Variants in KCNJ6 observed in about 807,000 individuals in gnomAD.
KCNJ6 encodes the protein potassium inwardly rectifying channel subfamily J member 6.
In KCNJ6, 9 loss-of-function variants were observed where a neutral mutation model predicts 34.2. The ratio of observed to expected loss-of-function variants is 0.26; its 90% CI spans 0.16 to 0.46. KCNJ6 has a LOEUF of 0.46. KCNJ6 is among the 20% of genes least tolerant of loss of function. KCNJ6 has a pLI of 1.00. For missense variants in KCNJ6, 236 were observed against 531.3 expected, an observed-to-expected ratio of 0.44 and a Z score of 5.46; for synonymous variants, 196 against 207.1, an observed-to-expected ratio of 0.95 and a Z score of 0.46.
chr21:37,725,842 A>G (rs752081933), intron 2 of KCNJ6, among the ~76,000 whole-genome samples: 1 of 152,258 alleles, frequency 6.6e-6, no homozygotes, highest in Non-Finnish European at 1.5e-5. Context: ...ATTATTTTTC[A>G]ACATTTTGGG....
At chr21:37,687,699 G>C (rs78169191) in intron 3 of KCNJ6, among the ~76,000 whole-genome samples, 3,105 of 152,208 alleles carry the variant, frequency 0.02, 104 homozygotes, top group African/African-American at 0.071. Context: ...TCTGGTCTGG[G>C]AGACCAGTCA....
intron 2 of KCNJ6, among the ~76,000 whole-genome samples, chr21:37,752,993 A>C (rs1251019391): frequency 6.6e-6 from 1 of 152,188 alleles, no homozygotes; most frequent in Non-Finnish European, 1.5e-5. Context: ...GAGAAAAGAC[A>C]AGGGCTGCCA....
Position 37,840,665 on chromosome 21 carries a change from T to A in KCNJ6, c.18A>T (p.Glu6Asp). 1 of 1,604,108 alleles carries A rather than the reference T, an allele frequency of 6.2e-7. No homozygotes were observed. The change falls in exon 2 of 4, where the codon GAA becomes GAT. Residue 6 changes from glutamate to aspartate, a missense_variant. Physicochemically the swap from Glu to Asp is conservative, Grantham distance 45. Coordinates refer to ENST00000609713, the MANE Select transcript of KCNJ6 (RefSeq NM_002240.5). ...AAATTTGAAGCTACTCACTCATGGA[T>A]TCTGTCAGCTTGGCCATTGTTGCAG... Reference protein sequence around the residue: MAKLTESMTNVLEGDS... With the variant: MAKLTDSMTNVLEGDS...
chr21:37,827,030 A>C (rs903497246), intron 2 of KCNJ6, among the ~76,000 whole-genome samples: 1 of 152,182 alleles, frequency 6.6e-6, no homozygotes, highest in African/African-American at 2.4e-5. Context: ...AGATTATTGA[A>C]GAGTCAGGGC....
At chr21:37,871,177 A>T (rs948757435) in intron 1 of KCNJ6, among the ~76,000 whole-genome samples, 2 of 152,140 alleles carry the variant, frequency 1.3e-5, no homozygotes, top group African/African-American at 4.8e-5. Flanking sequence ...ATGGCAAATG[A>T]CAGGATAGTT....
In KCNJ6 at chr21:37,655,238, A is replaced by G. The variant is rs1431023873; in HGVS notation, c.947-29754T>C. ...GTGTGTGTGTGTGAGAGAGAGAGAG[A>G]GAGAGAGAGAGAGAGAGAGAGAGAG... On this transcript the variant is annotated intron_variant, in intron 3 of 3. Transcript: ENST00000609713. 3.7e-3 allele frequency among the ~76,000 whole-genome samples: 23 copies of G among 6,286 alleles called. 1 individual carries two copies. The highest frequency in any genetic ancestry group is 0.021 in the African/African-American group (22 of 1,024). 4.1% of individuals were successfully genotyped at this position (6,286 alleles called of 152,430 possible).
chr21:37,666,912 C>T (rs1313449113), intron 3 of KCNJ6, among the ~76,000 whole-genome samples: 2 of 151,048 alleles, frequency 1.3e-5, no homozygotes, highest in Non-Finnish European at 2.9e-5. Context: ...GGATTAAGGG[C>T]GGTGCAAGAT....
intron 1 of KCNJ6, among the ~76,000 whole-genome samples, chr21:37,853,145 T>TAAAAAAAAA (rs796751868): frequency 1.8e-5 from 2 of 111,122 alleles, no homozygotes; most frequent in Non-Finnish European, 1.9e-5. Flanking sequence ...TTTTTCAAAT[T>TAAAAAAAAA]AAAAAAAAAA....
intron 2 of KCNJ6, among the ~76,000 whole-genome samples, chr21:37,799,061 C>T (rs2055256961): frequency 6.6e-6 from 1 of 152,106 alleles, no homozygotes; most frequent in African/African-American, 2.4e-5. Flanking sequence ...TCCTGATCCT[C>T]TCCCTCCTCC....
intron 2 of KCNJ6, among the ~76,000 whole-genome samples, chr21:37,773,489 T>C (rs2055127639): frequency 6.6e-6 from 1 of 152,060 alleles, no homozygotes; most frequent in South Asian, 2.1e-4. Context: ...TAACTACGGA[T>C]CTCCCTTCAT....
chr21:37,746,250 T>C (rs1463888480), intron 2 of KCNJ6, among the ~76,000 whole-genome samples: 1 of 152,100 alleles, frequency 6.6e-6, no homozygotes, highest in Non-Finnish European at 1.5e-5. Flanking sequence ...CTAACTGTCT[T>C]GGGTGAGGTG....
chr21:37,649,157 A>AAAAAAAAAAAAAAAAC (rs755535850), intron 3 of KCNJ6, among the ~76,000 whole-genome samples: 3 of 134,018 alleles, frequency 2.2e-5, no homozygotes, highest in East Asian at 2.5e-4. Context: ...AAAAAAAAGA[A>AAAAAAAAAAAAAAAAC]AGAAAAAGAA....
intron 2 of KCNJ6, among the ~76,000 whole-genome samples, chr21:37,750,853 A>G (rs1308177384): frequency 6.6e-6 from 1 of 152,236 alleles, no homozygotes; most frequent in African/African-American, 2.4e-5. Context: ...TGTTCTGCGC[A>G]GGTATCCCAC....
At chr21:37,819,447 T>C (rs919700204) in intron 2 of KCNJ6, among the ~76,000 whole-genome samples, 1 of 152,124 alleles carries the variant, frequency 6.6e-6, no homozygotes, top group Non-Finnish European at 1.5e-5. Flanking sequence ...AATTTGAGAA[T>C]GCTTGGAGAT....
intron 2 of KCNJ6, among the ~76,000 whole-genome samples, chr21:37,813,166 T>G (rs1056922178): frequency 2.6e-5 from 4 of 152,144 alleles, no homozygotes; most frequent in Non-Finnish European, 5.9e-5. Context: ...CCAATTACAA[T>G]AGCCACATAT....
chr21:37,663,571 T>C (rs7278101), intron 3 of KCNJ6, among the ~76,000 whole-genome samples: 60,587 of 151,960 alleles, frequency 0.4, 12,297 homozygotes, highest in South Asian at 0.54. Flanking sequence ...CAAACAAATA[T>C]TAATCAAAAA....
At chr21:37,662,642 G>C (rs1220648633) in intron 3 of KCNJ6, among the ~76,000 whole-genome samples, 1 of 152,138 alleles carries the variant, frequency 6.6e-6, no homozygotes, top group Non-Finnish European at 1.5e-5. Flanking sequence ...CGATTGCTGG[G>C]TCATATGATA....
Position 37,785,921 on chromosome 21 carries a change from T to C in KCNJ6, c.25+54737A>G, listed in dbSNP as rs561881686. On this transcript the variant is annotated intron_variant, in intron 2 of 3. Transcript: ENST00000609713. ...ACCATTTGAGGACACAGTGGGAAGA[T>C]GCTATCTCTGAGTAAGAGAGGTGGC... is the stretch of plus-strand genomic sequence containing the variant. Among the ~76,000 whole-genome samples, 116 of 152,358 alleles carry C rather than the reference T, an allele frequency of 7.6e-4. 1 individual carries two copies. The highest frequency in any genetic ancestry group is 2.6e-3 in the African/African-American group (110 of 41,590).
intron 1 of KCNJ6, among the ~76,000 whole-genome samples, chr21:37,865,254 C>G (rs2055616813): frequency 6.6e-6 from 1 of 152,160 alleles, no homozygotes; most frequent in Non-Finnish European, 1.5e-5. Flanking sequence ...TAACGTGATG[C>G]TGAAATCACC....
Sources: allele counts gnomAD v4.1 joint callset (sites outside exome capture counted in the v4.1 genomes callset), GRCh38; gene constraint gnomAD v4.1.1; transcripts MANE v1.5; gene names NCBI Gene and HGNC (gene_info 2026-07-23, HGNC 2026-07-21).